The following PER3 variants were observed in gnomAD, a reference collection of about 807,000 sequenced individuals.
The protein encoded by PER3 is period circadian regulator 3.
Under a neutral mutation model 127.2 loss-of-function variants are expected in PER3, and 107 were observed. The ratio of observed to expected loss-of-function variants is 0.84; its 90% CI spans 0.72 to 0.99. The LOEUF (loss-of-function observed/expected upper bound fraction) is 0.99. Ranked by LOEUF, PER3 falls within the 50% of genes least tolerant of loss-of-function variation. The pLI, the probability that PER3 is intolerant of heterozygous loss-of-function variation, is 0.00. For synonymous variants in PER3, 618 were observed against 585.8 expected, an observed-to-expected ratio of 1.05 and a Z score of -0.79; for missense variants, 1,560 against 1,525.8, an observed-to-expected ratio of 1.02 and a Z score of -0.37.
chr1:7,831,117 G>C (rs1298945629), intron 19 of PER3, among the ~76,000 whole-genome samples: 4 of 152,154 alleles, frequency 2.6e-5, no homozygotes, highest in Non-Finnish European at 5.9e-5. Flanking sequence ...ATTTTTCTAT[G>C]TAGGTCTTTA....
At position 7,826,629 on chromosome 1, in the gene PER3, C is replaced by T. The variant is rs376773861; in HGVS notation, c.2107C>T (p.Arg703Ter). 5 of 1,613,284 alleles carry T rather than the reference C, an allele frequency of 3.1e-6. No individual in the cohort carries two copies. Among genetic ancestry groups the T allele is most frequent in the South Asian group, 1.1e-5 (1 of 91,050 alleles). Residue 703 changes from arginine to a stop codon, truncating the protein, a stop_gained, in exon 17 of 22, where the codon CGA becomes TGA. Transcript: ENST00000377532. LOFTEE classifies it high-confidence loss of function. This position sits in a 1 kb window ranked among gnomAD's most constrained non-coding sequence, Gnocchi z 4.2. ...AGAGCAGAATTATGTTGATAAATTCCGAGAAAAGATCCTGTCATCACCCTA... is the reference window on the plus strand; with the variant it reads ...AGAGCAGAATTATGTTGATAAATTCTGAGAAAAGATCCTGTCATCACCCTA... ...KEEQNYVDKF[R>*]EKILSSPYSS...
At chr1:7,817,398 AGCTC>A (rs1229100221) in intron 13 of PER3, among the ~76,000 whole-genome samples, 2 of 152,254 alleles carry the variant, frequency 1.3e-5, no homozygotes, top group African/African-American at 4.8e-5. Flanking sequence ...GGAAGAACGG[AGCTC>A]AGTAGCTTTG....
chr1:7,808,347 T>G (rs2097205129), intron 10 of PER3, among the ~76,000 whole-genome samples: 1 of 152,038 alleles, frequency 6.6e-6, no homozygotes, highest in South Asian at 2.1e-4. Context: ...TTGGCATGTG[T>G]GCCATTCACT....
intron 4 of PER3, 108 bp from the exon 5 acceptor site, chr1:7,787,937 G>A (rs2097099863): frequency 2.6e-6 from 2 of 773,410 alleles, no homozygotes; most frequent in Admixed American, 2.0e-5. Context: ...TTGTGCCTGT[G>A]TATTTTAAGA....
chr1:7,798,582 T>C lies in PER3; in HGVS notation c.702T>C (p.Tyr234=). The change falls in exon 7 of 22, where the codon TAT becomes TAC. Residue 234 remains tyrosine (Y), a synonymous_variant. Transcript: ENST00000377532. ...ACTCCCCATTCCGGATCATCCCCTA[T>C]CTGATTCATGTACATCACCCTGCCC... is the stretch of plus-strand genomic sequence containing the variant. ...KCHSPFRIIP[Y]LIHVHHPAQP... is the part of the protein sequence containing the mutation. 1 of 1,613,336 alleles carries C rather than the reference T, an allele frequency of 6.2e-7. No homozygotes were observed. The highest frequency in any genetic ancestry group is 8.5e-7 in the Non-Finnish European group (1 of 1,179,300).
chr1:7,797,207 C>T lies in PER3; in HGVS notation c.645-1318C>T, dbSNP rs200772632. 2.5e-4 allele frequency among the ~76,000 whole-genome samples: 27 copies of T among 107,648 alleles called. No individual in the cohort carries two copies. The East Asian group carries it at 6.9e-3, about 28-fold the overall frequency. The allele number at this position is 107,648 out of a possible 152,430, so 70.6% of individuals were successfully genotyped here. A position where few individuals can be genotyped will look rare whatever the true frequency, so the allele number is the denominator to read the frequency against. On this transcript the variant is annotated intron_variant, in intron 6 of 21. Coordinates refer to ENST00000377532, the MANE Select transcript of PER3 (RefSeq NM_001377275.1). ...TGGAAGGTGTGAGCATGGATGTGAGCATGGATGTGGGTCGGCAGCACCGGG... is the reference window on the plus strand; with the variant it reads ...TGGAAGGTGTGAGCATGGATGTGAGTATGGATGTGGGTCGGCAGCACCGGG...
intron 21 of PER3, among the ~76,000 whole-genome samples, chr1:7,839,845 T>C (rs2097376022): frequency 6.6e-6 from 1 of 151,590 alleles, no homozygotes; most frequent in Non-Finnish European, 1.5e-5. Context: ...TTAATTATAG[T>C]GTGGATCTCC....
In PER3 at chr1:7,809,907, C is replaced by A; in HGVS notation, c.1257C>A (p.Ser419Arg). Residue 419 changes from serine to arginine, a missense_variant, in exon 12 of 22, where the codon AGC becomes AGA. Coordinates refer to ENST00000377532, the MANE Select transcript of PER3 (RefSeq NM_001377275.1). The part of the protein sequence containing the change: ...YKLLLQPVHV[S>R]VSSGYGSLGS... Reference sequence around the variant, plus strand: ...TGTCCTTCCAGCCAGTTCACGTGAGCGTGTCCAGCGGCTACGGGAGCCTGG... The same window carrying A: ...TGTCCTTCCAGCCAGTTCACGTGAGAGTGTCCAGCGGCTACGGGAGCCTGG... 1 of 1,613,970 alleles carries A rather than the reference C, an allele frequency of 6.2e-7. No individual in the cohort carries two copies. The highest frequency in any genetic ancestry group is 8.5e-7 in the Non-Finnish European group (1 of 1,179,928).
At chr1:7,827,087 C>A in intron 17 of PER3, 31 bp from the exon 18 acceptor site, 1 of 1,504,782 alleles carries the variant, frequency 6.6e-7, no homozygotes, top group Non-Finnish European at 8.9e-7. Flanking sequence ...GTTTAATTTT[C>A]CATAATTTGC....
intron 4 of PER3, chr1:7,787,077 T>C (rs1577605676): frequency 2.5e-6 from 1 of 403,626 alleles, no homozygotes; most frequent in East Asian, 4.2e-5. Flanking sequence ...GAGGTGCTTC[T>C]AGCTCCTTAG....
intron 5 of PER3, among the ~76,000 whole-genome samples, chr1:7,789,840 ATGTCATCCCTGCT>A (rs1469596099): frequency 5.9e-5 from 9 of 152,332 alleles, no homozygotes; most frequent in Admixed American, 5.2e-4. Flanking sequence ...GAAAACATGC[ATGTCATCCCTGCT>A]TGCTTCTAGC....
In PER3 at chr1:7,803,701, A is replaced by T. The variant is rs1187592000; in HGVS notation, c.989A>T (p.Tyr330Phe). The T allele has an allele frequency of 6.3e-7, 1 of 1,596,050 alleles. No individual in the cohort carries two copies. Among genetic ancestry groups the T allele is most frequent in the Admixed American group, 1.7e-5 (1 of 59,842 alleles). Residue 330 changes from tyrosine (Y) to phenylalanine (F), a missense_variant, in exon 10 of 22, where the codon TAT becomes TTT. By Grantham distance (22) the Tyr-to-Phe change is conservative. Transcript: ENST00000377532. ...MVAIHQKVLK[Y>F]AGHPPFEHSP... ...TTATTATTTTATATAGTTTTGAAGT[A>T]TGCAGGGCATCCTCCCTTTGAACAT...
At chr1:7,832,474 A>G (rs1166573984) in intron 19 of PER3, among the ~76,000 whole-genome samples, 1 of 149,458 alleles carries the variant, frequency 6.7e-6, no homozygotes, top group African/African-American at 2.5e-5. Flanking sequence ...CCCAGGATCA[A>G]GCGATTCTCC....
intron 6 of PER3, among the ~76,000 whole-genome samples, chr1:7,795,644 T>G (rs1436802321): frequency 3.3e-5 from 5 of 151,950 alleles, no homozygotes; most frequent in Non-Finnish European, 5.9e-5. Context: ...GTGGCCTGAG[T>G]GGAGGAAGGA....
At position 7,809,936 on chromosome 1, in the gene PER3, G is replaced by A. The variant is rs2097211896; in HGVS notation, c.1286G>A (p.Ser429Asn). 2 of 1,613,950 alleles carry A rather than the reference G, an allele frequency of 1.2e-6. No individual in the cohort carries two copies. Among genetic ancestry groups the A allele is most frequent in the African/African-American group, 1.3e-5 (1 of 74,940 alleles). Residue 429 changes from serine to asparagine, a missense_variant, in exon 12 of 22, where the codon AGC becomes AAC. Ser to Asn is a conservative substitution (Grantham distance 46, BLOSUM62 1). Coordinates refer to ENST00000377532, the MANE Select transcript of PER3 (RefSeq NM_001377275.1). Reference protein sequence around the residue: ...SVSSGYGSLGSSGSQEQLVSI... With the variant: ...SVSSGYGSLGNSGSQEQLVSI... ...TCCAGCGGCTACGGGAGCCTGGGGAGCAGCGGGTCGCAGGAGCAGCTTGTC... is the reference window on the plus strand; with the variant it reads ...TCCAGCGGCTACGGGAGCCTGGGGAACAGCGGGTCGCAGGAGCAGCTTGTC...
chr1:7,835,563 C>G (rs1284673051), intron 19 of PER3, among the ~76,000 whole-genome samples, 199 bp from the exon 20 acceptor site: 1 of 152,082 alleles, frequency 6.6e-6, no homozygotes, highest in African/African-American at 2.4e-5. Context: ...AGTGATAGCT[C>G]ATTAGGAATG....
At chr1:7,804,086 A>T (rs1384384635) in intron 10 of PER3, 3 of 361,016 alleles carry the variant, frequency 8.3e-6, no homozygotes, top group African/African-American at 6.3e-5. Flanking sequence ...TATTTGCTTG[A>T]TGTATTATTA....
At chr1:7,821,489 A>G (rs1240395748) in intron 16 of PER3, among the ~76,000 whole-genome samples, 1 of 152,222 alleles carries the variant, frequency 6.6e-6, no homozygotes, top group African/African-American at 2.4e-5. Context: ...GAACTGAGCT[A>G]GCCCCTCCAC....
At chr1:7,806,808 A>ATATATATATAT (rs58879633) in intron 10 of PER3, among the ~76,000 whole-genome samples, 55 of 60,794 alleles carry the variant, frequency 9.0e-4, no homozygotes, top group Middle Eastern at 0.012. Context: ...AAAAAAAAAA[A>ATATATATATAT]AAAAATATAT....
Sources: gnomAD v4.1 joint callset for allele counts (sites outside exome capture counted in the v4.1 genomes callset) on GRCh38, gnomAD v4.1.1 for gene constraint, Gnocchi (gnomAD v3.1) non-coding constraint, MANE v1.5 for transcripts, NCBI Gene and HGNC (gene_info 2026-07-23, HGNC 2026-07-21) for gene names.